ACYP2: variants seen among roughly 807,000 people sequenced by gnomAD.
The protein encoded by ACYP2 is acylphosphatase 2.
Under a neutral mutation model 11.2 loss-of-function variants are expected in ACYP2, and 12 were observed. That is an observed-to-expected ratio of 1.08 (90% CI 0.69 to 1.74). The LOEUF is 1.74. Among genes scored for constraint, ACYP2 ranks in the 40% most tolerant of loss-of-function variants. The pLI is 0.00. For synonymous variants in ACYP2, 43 were observed against 32.2 expected, an observed-to-expected ratio of 1.33 and a Z score of -1.13; for missense variants, 134 against 101.9, an observed-to-expected ratio of 1.31 and a Z score of -1.35.
At chr2:54,259,337 A>G (rs1050294762) in intron 6 of ACYP2, among the ~76,000 whole-genome samples, 1 of 152,226 alleles carries the variant, frequency 6.6e-6, no homozygotes, top group Admixed American at 6.5e-5. Context: ...TGGGATAATC[A>G]GCATGCATGG....
intron 2 of ACYP2, among the ~76,000 whole-genome samples, chr2:54,000,109 A>G (rs1414289577): frequency 3.3e-5 from 5 of 151,606 alleles, no homozygotes; most frequent in Admixed American, 6.6e-5. Flanking sequence ...CTATATACTT[A>G]TTTCTATATA....
chr2:54,125,066 A>C (rs749553644), intron 4 of ACYP2, among the ~76,000 whole-genome samples: 1 of 152,170 alleles, frequency 6.6e-6, no homozygotes, highest in Non-Finnish European at 1.5e-5. Context: ...AATGCTTTTA[A>C]ATTTAAAACT....
At chr2:54,136,310 A>T (rs1459949813) in intron 5 of ACYP2, among the ~76,000 whole-genome samples, 1 of 152,100 alleles carries the variant, frequency 6.6e-6, no homozygotes, top group Non-Finnish European at 1.5e-5. Context: ...CAAAATGCCC[A>T]TGCCTGGCTC....
At chr2:54,257,258 C>T (rs1304722277) in intron 6 of ACYP2, among the ~76,000 whole-genome samples, 3 of 152,142 alleles carry the variant, frequency 2.0e-5, no homozygotes, top group African/African-American at 7.2e-5. Flanking sequence ...CAAGATTGTT[C>T]AAATTTATAT....
At chr2:54,175,510 AT>A (rs1259733660) in intron 6 of ACYP2, among the ~76,000 whole-genome samples, 2 of 151,634 alleles carry the variant, frequency 1.3e-5, no homozygotes, top group Non-Finnish European at 2.9e-5. Flanking sequence ...TTTTTGAAGC[AT>A]TTTTTGTATC....
At chr2:54,178,392 C>T (rs1053242014) in intron 6 of ACYP2, among the ~76,000 whole-genome samples, 4 of 152,132 alleles carry the variant, frequency 2.6e-5, no homozygotes, top group African/African-American at 9.7e-5. Flanking sequence ...TCTGATCCAC[C>T]TGATTTCTTT....
chr2:54,212,416 A>C (rs1001627387), intron 6 of ACYP2, among the ~76,000 whole-genome samples: 2 of 152,158 alleles, frequency 1.3e-5, no homozygotes, highest in Admixed American at 1.3e-4. Flanking sequence ...CCTCAGCTGT[A>C]ATCTCCTTTT....
chr2:54,149,060 G>A (rs1199669439), intron 6 of ACYP2, among the ~76,000 whole-genome samples: 3 of 152,160 alleles, frequency 2.0e-5, no homozygotes, highest in African/African-American at 7.2e-5. Flanking sequence ...TGACCAGCCT[G>A]GGCAACATGA....
At chr2:54,037,691 A>G (rs1365667295) in intron 2 of ACYP2, among the ~76,000 whole-genome samples, 1 of 152,212 alleles carries the variant, frequency 6.6e-6, no homozygotes, top group Non-Finnish European at 1.5e-5. Context: ...TACAGGGGTG[A>G]GCCATAATGC....
At chr2:54,045,932 A>G (rs1675497623) in intron 2 of ACYP2, among the ~76,000 whole-genome samples, 1 of 151,906 alleles carries the variant, frequency 6.6e-6, no homozygotes, top group Non-Finnish European at 1.5e-5. Context: ...GCACTTTGGG[A>G]GGCCAAGGTG....
intron 2 of ACYP2, among the ~76,000 whole-genome samples, chr2:53,999,788 A>G (rs931472540): frequency 1.3e-5 from 2 of 152,204 alleles, no homozygotes; most frequent in African/African-American, 4.8e-5. Context: ...AAATACTTTA[A>G]TAATAAAATA....
chr2:54,133,491 A>G (rs1681046592), intron 4 of ACYP2, among the ~76,000 whole-genome samples: 1 of 152,158 alleles, frequency 6.6e-6, no homozygotes, highest in African/African-American at 2.4e-5. Context: ...TGTTCTAGGT[A>G]GAAATAAAAA....
At chr2:54,039,159 C>G (rs1675082550) in intron 2 of ACYP2, among the ~76,000 whole-genome samples, 2 of 148,872 alleles carry the variant, frequency 1.3e-5, no homozygotes, top group South Asian at 4.2e-4. Flanking sequence ...GTGAGCAGAG[C>G]ATGTAGGGCT....
chr2:54,049,941 T>A (rs888662379), intron 2 of ACYP2, among the ~76,000 whole-genome samples: 8 of 152,180 alleles, frequency 5.3e-5, no homozygotes, highest in Non-Finnish European at 1.0e-4. Flanking sequence ...TGAAGAGTGG[T>A]TTTTGGAAAG....
intron 6 of ACYP2, among the ~76,000 whole-genome samples, chr2:54,272,036 G>A (rs184813697): frequency 4.5e-4 from 68 of 152,284 alleles, no homozygotes; most frequent in Admixed American, 5.9e-4. Flanking sequence ...GTTACTTTCA[G>A]TTCCTCAACT....
intron 2 of ACYP2, among the ~76,000 whole-genome samples, chr2:53,992,351 A>T (rs912896083): frequency 1.3e-5 from 2 of 152,142 alleles, no homozygotes; most frequent in African/African-American, 4.8e-5. Context: ...AATCAGGAAA[A>T]TGATATAAAT....
intron 6 of ACYP2, among the ~76,000 whole-genome samples, chr2:54,200,464 T>A (rs1684707982): frequency 6.6e-6 from 1 of 152,192 alleles, no homozygotes; most frequent in Admixed American, 6.5e-5. Flanking sequence ...CTACTGTCTG[T>A]CTCCATGGAT....
intron 6 of ACYP2, among the ~76,000 whole-genome samples, chr2:54,148,916 T>A (rs1682021055): frequency 6.6e-6 from 1 of 152,168 alleles, no homozygotes; most frequent in African/African-American, 2.4e-5. Context: ...ATTAGGTTGG[T>A]GCAAGAGTAA....
intron 4 of ACYP2, among the ~76,000 whole-genome samples, chr2:54,133,511 A>T (rs1273372156): frequency 6.6e-6 from 1 of 152,208 alleles, no homozygotes; most frequent in East Asian, 1.9e-4. Context: ...ACTAAGTTGC[A>T]ATAGGTACTA....
Sources: allele counts gnomAD v4.1 joint callset (sites outside exome capture counted in the v4.1 genomes callset), GRCh38; gene constraint gnomAD v4.1.1; transcripts MANE v1.5; gene names NCBI Gene and HGNC (gene_info 2026-07-23, HGNC 2026-07-21).